The following TAPT1 variants were observed in gnomAD, a reference collection of about 807,000 sequenced individuals.
The protein encoded by TAPT1 is transmembrane anterior posterior transformation protein 1 homolog.
TAPT1 carries 28 observed loss-of-function variants against 65.6 expected under a neutral mutation model. That is an observed-to-expected ratio of 0.43 (90% CI 0.32 to 0.59). The LOEUF (loss-of-function observed/expected upper bound fraction) is 0.59. Among genes scored for constraint, TAPT1 ranks in the 20% least tolerant of loss-of-function variants. The probability of loss-of-function intolerance (pLI) is 0.09; values close to 1 mark genes in which losing one functional copy is unlikely to be tolerated. For synonymous variants in TAPT1, 278 were observed against 245.2 expected (o/e 1.13, Z -1.25); for missense variants, 563 against 679.9 (o/e 0.83, Z 1.91).
intron 1 of TAPT1, among the ~76,000 whole-genome samples, chr4:16,223,647 A>G (rs1342935068): frequency 1.3e-5 from 2 of 152,366 alleles, no homozygotes; most frequent in East Asian, 3.9e-4. Flanking sequence ...CGAAGTGATG[A>G]GGAAAAGAAA....
In TAPT1 at chr4:16,174,128, T is replaced by A. The variant is rs188884005; in HGVS notation, c.1236+76A>T. 1.2e-4 allele frequency: 137 copies of A among 1,185,808 alleles called. 1 individual carries two copies. Among genetic ancestry groups the A allele is most frequent in the Non-Finnish European group, 5.0e-5 (42 of 839,858 alleles). The allele number at this position is 1,185,808 out of a possible 1,614,324, so 73.5% of individuals were successfully genotyped here. A position where few individuals can be genotyped will look rare whatever the true frequency, so the allele number is the denominator to read the frequency against. ...ATATCAAGTCCTTTTGAAACAATCA[T>A]ATTAATAATCCATTTATTAATATTC... On this transcript the variant is annotated intron_variant, in intron 11 of 13. Coordinates refer to ENST00000405303, the MANE Select transcript of TAPT1 (RefSeq NM_153365.3).
chr4:16,193,868 T>C (rs1421604186), intron 3 of TAPT1, among the ~76,000 whole-genome samples: 2 of 152,212 alleles, frequency 1.3e-5, no homozygotes, highest in African/African-American at 4.8e-5. Flanking sequence ...AAGAAAATGA[T>C]ACGAGCTAAA....
At chr4:16,186,645 A>T in intron 6 of TAPT1, 41 bp from the exon 7 acceptor site, 1 of 1,449,818 alleles carries the variant, frequency 6.9e-7, no homozygotes. Flanking sequence ...TGATTATAAC[A>T]GTTTAAAAAC....
chr4:16,213,744 C>G (rs1750772489), intron 2 of TAPT1, 24 bp downstream of exon 2: 16 of 1,526,496 alleles, frequency 1.0e-5, no homozygotes, highest in Non-Finnish European at 1.4e-5. Flanking sequence ...AAAATGATGT[C>G]TGGTAATGAA....
chr4:16,221,548 A>G (rs543087494), intron 1 of TAPT1, among the ~76,000 whole-genome samples: 1 of 152,344 alleles, frequency 6.6e-6, no homozygotes, highest in South Asian at 2.1e-4. Context: ...AAAAAACACA[A>G]TGTTTAATTA....
At chr4:16,180,933 AGGT>A (rs1181182377) in intron 7 of TAPT1, among the ~76,000 whole-genome samples, 1 of 152,218 alleles carries the variant, frequency 6.6e-6, no homozygotes, top group East Asian at 1.9e-4. Flanking sequence ...GTGAGTCTCA[AGGT>A]ACCAAGCACT....
At chr4:16,185,349 A>C (rs936553165) in intron 7 of TAPT1, among the ~76,000 whole-genome samples, 11 of 152,072 alleles carry the variant, frequency 7.2e-5, no homozygotes, top group African/African-American at 2.4e-4. Context: ...ATATAAATAA[A>C]AGTCCTTTGG....
In TAPT1 at chr4:16,198,512, T is replaced by C. The variant is rs1749847427; in HGVS notation, c.449+3950A>G. Among the ~76,000 whole-genome samples the C allele has an allele frequency of 2.0e-5, 3 of 151,776 alleles. No individual in the cohort carries two copies. In the South Asian group the frequency reaches 6.2e-4, roughly 32 times the overall value. ...AAACAATTTCAAAGAACAAAGAGACTAGGAAGACAGTAAGTTTTTACAGAA... is the reference window on the plus strand; with the variant it reads ...AAACAATTTCAAAGAACAAAGAGACCAGGAAGACAGTAAGTTTTTACAGAA... On this transcript the variant is annotated intron_variant, in intron 3 of 13. Coordinates refer to ENST00000405303, the MANE Select transcript of TAPT1 (RefSeq NM_153365.3).
At chr4:16,196,581 C>A in intron 3 of TAPT1, 1 of 688,574 alleles carries the variant, frequency 1.5e-6, no homozygotes, top group Non-Finnish European at 2.3e-6. Context: ...GCTATGTCTG[C>A]CTATCCTGTT....
At position 16,191,309 on chromosome 4, in the gene TAPT1, CT is replaced by C. The variant is rs1203920901; in HGVS notation, c.612+51del. 2.0e-6 allele frequency: 3 copies of C among 1,535,524 alleles called. No homozygotes were observed. In the East Asian group the frequency reaches 7.2e-5, roughly 37 times the overall value. On this transcript the variant is annotated intron_variant, in intron 4 of 13. Transcript: ENST00000405303. ...TCTCAGGTACCTTCAGAACTGAAGA[CT>C]TGAAGCTGAGTGCCCTGGCCAGGCC...
At chr4:16,169,777 G>C (rs1747872523) in intron 12 of TAPT1, among the ~76,000 whole-genome samples, 1 of 152,230 alleles carries the variant, frequency 6.6e-6, no homozygotes, top group Non-Finnish European at 1.5e-5. Flanking sequence ...AGCTTCCTGA[G>C]CACGTGCTAG....
At chr4:16,192,658 T>C (rs79609521) in intron 3 of TAPT1, among the ~76,000 whole-genome samples, 2,152 of 152,332 alleles carry the variant, frequency 0.014, 21 homozygotes, top group Non-Finnish European at 0.022. Flanking sequence ...GTGATAAGAA[T>C]GGGAAAGATA....
intron 3 of TAPT1, among the ~76,000 whole-genome samples, chr4:16,198,114 G>A (rs77038924): frequency 0.053 from 8,083 of 152,246 alleles, 238 homozygotes; most frequent in Middle Eastern, 0.14. Context: ...TCATGATGAA[G>A]GCTGGGTTTA....
At chr4:16,198,509 G>A (rs1305132873) in intron 3 of TAPT1, among the ~76,000 whole-genome samples, 3 of 151,710 alleles carry the variant, frequency 2.0e-5, no homozygotes, top group African/African-American at 7.3e-5. Flanking sequence ...AGAACAAAGA[G>A]ACTAGGAAGA....
In TAPT1 at chr4:16,191,342, G is replaced by T. The variant is rs1307196690; in HGVS notation, c.612+19C>A. On this transcript the variant is annotated intron_variant, in intron 4 of 13. Transcript: ENST00000405303. ...TGAGTGCCCTGGCCAGGCCTGTGCG[G>T]GGTAAGCAAGGCCCTTACCTCCAGC... The T allele has an allele frequency of 1.3e-6, 2 of 1,588,572 alleles. No homozygotes were observed. Among genetic ancestry groups the T allele is most frequent in the East Asian group, 4.6e-5 (2 of 43,780 alleles).
At chr4:16,217,927 G>A (rs1395039027) in intron 1 of TAPT1, among the ~76,000 whole-genome samples, 1 of 152,176 alleles carries the variant, frequency 6.6e-6, no homozygotes, top group Non-Finnish European at 1.5e-5. Context: ...AGGGAACAGG[G>A]TACCATGATG....
At chr4:16,173,757 G>A (rs1748154056) in intron 11 of TAPT1, among the ~76,000 whole-genome samples, 1 of 152,124 alleles carries the variant, frequency 6.6e-6, no homozygotes, top group Admixed American at 6.6e-5. Context: ...ATCATTGTGT[G>A]TCTTTTATAA....
chr4:16,194,620 T>A (rs1395212098), intron 3 of TAPT1, among the ~76,000 whole-genome samples: 4 of 152,156 alleles, frequency 2.6e-5, no homozygotes, highest in African/African-American at 9.7e-5. Flanking sequence ...CAAACCTATC[T>A]ATCATTTGGT....
chr4:16,174,822 T>A, intron 9 of TAPT1, 93 bp from the exon 10 acceptor site: 1 of 924,560 alleles, frequency 1.1e-6, no homozygotes, highest in Non-Finnish European at 1.6e-6. Context: ...ATTTAATAAT[T>A]AACCAGGAAC....
Sources: allele counts gnomAD v4.1 joint callset (sites outside exome capture counted in the v4.1 genomes callset), GRCh38; gene constraint gnomAD v4.1.1; transcripts MANE v1.5; gene names NCBI Gene and HGNC (gene_info 2026-07-23, HGNC 2026-07-21).